The following USP19 variants were observed in gnomAD, a reference collection of about 807,000 sequenced individuals.
The protein encoded by USP19 is ubiquitin specific peptidase 19, also known as ubiquitin carboxyl-terminal hydrolase 19.
USP19 carries 40 observed loss-of-function variants against 144.8 expected under a neutral mutation model. The observed-to-expected ratio is 0.28, with a 90% CI of 0.21 to 0.36. USP19 has a LOEUF of 0.36. Among genes scored for constraint, USP19 ranks in the 10% least tolerant of loss-of-function variants. The pLI, the probability that USP19 is intolerant of heterozygous loss-of-function variation, is 1.00. For missense variants in USP19, 1,518 were observed against 1,822.5 expected (o/e 0.83, Z 3.04); for synonymous variants, 701 against 709.3 (o/e 0.99, Z 0.19).
rs933658650 is a variant in USP19 at position 49,118,890 on chromosome 3, G to A, written c.124+132C>T. ...GCTGAGGCTCTACTGAGGTTATCAT[G>A]GGTCCTTCTTCTCTCATCATCAAAC... On this transcript the variant is annotated intron_variant, in intron 2 of 26. Transcript: ENST00000417901. The A allele has an allele frequency of 2.9e-6, 4 of 1,385,074 alleles. No individual in the cohort carries two copies. The African/African-American group carries it at 5.8e-5, about 20-fold the overall frequency. 85.8% of individuals were successfully genotyped at this position (1,385,074 alleles called of 1,614,324 possible). A position where few individuals can be genotyped will look rare whatever the true frequency, so the allele number is the denominator to read the frequency against.
chr3:49,110,490 G>A lies in USP19; in HGVS notation c.3813C>T (p.Ala1271=), dbSNP rs2042984188. The A allele has an allele frequency of 6.2e-7, 1 of 1,614,186 alleles. No individual in the cohort carries two copies. The highest frequency in any genetic ancestry group is 2.2e-5 in the East Asian group (1 of 44,888). ...TACGATCATTGGGCAGGCGTGCACA[G>A]GCAGTGTAGTGGCCACCAATCATGC... The part of the protein sequence containing the change: ...YGGMIGGHYT[A]CARLPNDRSS... Residue 1271 remains alanine (A), a synonymous_variant, in exon 25 of 27, where the codon GCC becomes GCT. Coordinates refer to ENST00000417901, the MANE Select transcript of USP19 (RefSeq NM_001199161.2). The surrounding 1 kb of genome is among the most constrained non-coding windows in gnomAD (Gnocchi z 6.1).
At position 49,117,405 on chromosome 3, in the gene USP19, T is replaced by C. The variant is rs1179573895; in HGVS notation, c.606+32A>G. ...TCAGGCCCTGTCGACTACACTGGTATCCCTACCCAACCCTGTACTACTAGA... is the reference window on the plus strand; with the variant it reads ...TCAGGCCCTGTCGACTACACTGGTACCCCTACCCAACCCTGTACTACTAGA... On this transcript the variant is annotated intron_variant, in intron 5 of 26. Coordinates refer to ENST00000417901, the MANE Select transcript of USP19 (RefSeq NM_001199161.2). The surrounding 1 kb of genome is among the most constrained non-coding windows in gnomAD (Gnocchi z 4.4). 1 of 1,611,606 alleles carries C rather than the reference T, an allele frequency of 6.2e-7. No homozygotes were observed. Among genetic ancestry groups the C allele is most frequent in the East Asian group, 2.2e-5 (1 of 44,808 alleles).
intron 26 of USP19, chr3:49,109,014 C>T (rs2042727111): frequency 6.2e-7 from 1 of 1,613,526 alleles, no homozygotes; most frequent in African/African-American, 1.3e-5. Context: ...ACGAGGGCCA[C>T]CAAAGCCGCC....
In USP19 at chr3:49,112,310, C is replaced by G. The variant is rs945253135; in HGVS notation, c.2739G>C (p.Arg913=). 1 of 1,612,914 alleles carries G rather than the reference C, an allele frequency of 6.2e-7. No homozygotes were observed. The change falls in exon 19 of 27, where the codon CGG becomes CGC. Residue 913 remains arginine (R), a synonymous_variant. Transcript: ENST00000417901. The surrounding 1 kb of genome is among the most constrained non-coding windows in gnomAD (Gnocchi z 4.9). ...SEDEKLKRCT[R]CYRVGYCNQL... is the part of the protein sequence containing the mutation. ...GGTTGCAGTAGCCCACACGGTAGCA[C>G]CGGGTACAGCGCTTCAGCTTTTCAT...
rs1204944209 is a variant in USP19, at chr3:49,117,010, C to T, written c.909+49G>A. 5.2e-6 allele frequency: 8 copies of T among 1,551,772 alleles called. No homozygotes were observed. In the African/African-American group the frequency reaches 5.4e-5, roughly 11 times the overall value. Reference sequence around the variant, plus strand: ...GCCAGGTGGCTCCCACTCCAGTGCACACCCTTTCCCCCCATCTCCTAACAC... The same window carrying T: ...GCCAGGTGGCTCCCACTCCAGTGCATACCCTTTCCCCCCATCTCCTAACAC... On this transcript the variant is annotated intron_variant, in intron 6 of 26. Transcript: ENST00000417901. The surrounding 1 kb of genome is among the most constrained non-coding windows in gnomAD (Gnocchi z 4.4).
At position 49,112,689 on chromosome 3, in the gene USP19, C is replaced by T; in HGVS notation, c.2506-60G>A. 1.3e-6 allele frequency: 2 copies of T among 1,565,478 alleles called. No individual in the cohort carries two copies. Among genetic ancestry groups the T allele is most frequent in the South Asian group, 2.4e-5 (2 of 83,294 alleles). The stretch of plus-strand genomic sequence containing the variant: ...ATAAGCCCTTTCCCTAGCCCTGCCC[C>T]AGAGTTTAAGAAGGCTTGGCCCTGC... On this transcript the variant is annotated intron_variant, in intron 17 of 26. Transcript: ENST00000417901. The surrounding 1 kb of genome is among the most constrained non-coding windows in gnomAD (Gnocchi z 4.9).
intron 26 of USP19, among the ~76,000 whole-genome samples, chr3:49,109,441 G>T (rs2042809587): frequency 6.6e-6 from 1 of 152,176 alleles, no homozygotes; most frequent in African/African-American, 2.4e-5. Context: ...ATGGAGGTGG[G>T]AGGGGAGTTA....
In USP19 at chr3:49,116,022, C is replaced by A; in HGVS notation, c.1471+25G>T. On this transcript the variant is annotated intron_variant, in intron 10 of 26. Transcript: ENST00000417901. This position sits in a 1 kb window ranked among gnomAD's most constrained non-coding sequence, Gnocchi z 5.0. ...TGGGTCCTGGTCACGTGGAACTGGG[C>A]AATGAAGGGAGCTCGTGTGCAGACC... 6.3e-7 allele frequency: 1 copy of A among 1,583,834 alleles called. No homozygotes were observed. Among genetic ancestry groups the A allele is most frequent in the South Asian group, 1.1e-5 (1 of 87,632 alleles).
chr3:49,110,231 C>G lies in USP19; in HGVS notation c.3991G>C (p.Glu1331Gln). The G allele has an allele frequency of 6.3e-7, 1 of 1,576,162 alleles. No homozygotes were observed. Among genetic ancestry groups the G allele is most frequent in the Non-Finnish European group, 8.6e-7 (1 of 1,160,118 alleles). ...GCAGGGCCTAGGTCTGGGTGGTGCTCAGAGTGACCTGCCCTGGGGGGCCTC... is the reference window on the plus strand; with the variant it reads ...GCAGGGCCTAGGTCTGGGTGGTGCTGAGAGTGACCTGCCCTGGGGGGCCTC... ...VERPPRAGHS[E>Q]HHPDLGPAAE... The change falls in exon 26 of 27, where the codon GAG becomes CAG. Residue 1331 changes from glutamate (E) to glutamine (Q), a missense_variant. Around this residue, in one of 5 missense-constraint regions of USP19, gnomAD observed 118 missense variants for 100.2 expected, o/e 1.18. Coordinates refer to ENST00000417901, the MANE Select transcript of USP19 (RefSeq NM_001199161.2). This position sits in a 1 kb window ranked among gnomAD's most constrained non-coding sequence, Gnocchi z 6.1.
chr3:49,114,943 T>G lies in USP19; in HGVS notation c.2181+16A>C. 6.2e-7 allele frequency: 1 copy of G among 1,614,184 alleles called. No homozygotes were observed. The highest frequency in any genetic ancestry group is 1.1e-5 in the South Asian group (1 of 91,090). On this transcript the variant is annotated intron_variant, in intron 14 of 26. Transcript: ENST00000417901. This position sits in a 1 kb window ranked among gnomAD's most constrained non-coding sequence, Gnocchi z 4.5. ...ATGCTCATGAGACATGCCCACCCTC[T>G]GTCCCTAACCCTGACCTCATCGGGC...
chr3:49,120,746 C>T lies in USP19; in HGVS notation c.-137+10G>A, dbSNP rs1213118148. ...GGCCAAGCCAGCGAGTTGCAGCCTG[C>T]TCCACTCACCGAGCGAGACCGCCGC... On this transcript the variant is annotated intron_variant, in intron 1 of 26. Transcript: ENST00000417901. 5 of 216,868 alleles carry T rather than the reference C, an allele frequency of 2.3e-5. No homozygotes were observed. The highest frequency in any genetic ancestry group is 3.7e-5 in the Non-Finnish European group (4 of 107,224). The allele number at this position is 216,868 out of a possible 1,614,324, so 13.4% of individuals were successfully genotyped here. A position where few individuals can be genotyped will look rare whatever the true frequency, so the allele number is the denominator to read the frequency against.
At position 49,118,092 on chromosome 3, in the gene USP19, A is replaced by G; in HGVS notation, c.153T>C (p.Ala51=). The G allele has an allele frequency of 2.0e-6, 3 of 1,473,138 alleles. No individual in the cohort carries two copies. In the South Asian group the frequency reaches 3.6e-5, roughly 18 times the overall value. The allele number at this position is 1,473,138 out of a possible 1,614,324, so 91.3% of individuals were successfully genotyped here. A position where few individuals can be genotyped will look rare whatever the true frequency, so the allele number is the denominator to read the frequency against. The part of the protein sequence containing the change: ...KETGSRYVAQ[A]GLEPLASGDP... ...CACCTGAGGCCAGAGGTTCAAGACC[A>G]GCCTGGGCAACATATCGAGACCCTG... is the stretch of plus-strand genomic sequence containing the variant. The change falls in exon 3 of 27, where the codon GCT becomes GCC. Residue 51 remains alanine (A), a synonymous_variant. Coordinates refer to ENST00000417901, the MANE Select transcript of USP19 (RefSeq NM_001199161.2).
intron 2 of USP19, 129 bp from the exon 3 acceptor site, chr3:49,118,249 G>T: frequency 2.7e-5 from 10 of 366,036 alleles, no homozygotes; most frequent in East Asian, 5.0e-5. Context: ...ATCTGTGCAA[G>T]AGTGAGACCC....
chr3:49,120,265 G>A (rs1457208461), intron 1 of USP19, among the ~76,000 whole-genome samples: 1 of 152,220 alleles, frequency 6.6e-6, no homozygotes, highest in African/African-American at 2.4e-5. Flanking sequence ...GGAGGAAGGA[G>A]GGATGGCAGG....
rs773626969 is a variant in USP19, at chr3:49,115,079, A to G, written c.2061T>C (p.Tyr687=). The part of the protein sequence containing the change: ...VASKASQFTG[Y]AQHDAQEFMA... Reference sequence around the variant, plus strand: ...TGAACTCCTGGGCATCATGCTGTGCATAGCCTGTGAACTGGCTGGCCTTAC... The same window carrying G: ...TGAACTCCTGGGCATCATGCTGTGCGTAGCCTGTGAACTGGCTGGCCTTAC... Residue 687 remains tyrosine (Y), a synonymous_variant, in exon 14 of 27, where the codon TAT becomes TAC. Transcript: ENST00000417901. The surrounding 1 kb of genome is among the most constrained non-coding windows in gnomAD (Gnocchi z 6.6). 8.1e-6 allele frequency: 13 copies of G among 1,614,196 alleles called. No homozygotes were observed. The Admixed American group carries it at 2.2e-4, about 27-fold the overall frequency.
chr3:49,113,737 A>G (rs974669425), intron 17 of USP19, among the ~76,000 whole-genome samples: 3 of 152,304 alleles, frequency 2.0e-5, no homozygotes, highest in Non-Finnish European at 2.9e-5. Flanking sequence ...AGCTGGGACT[A>G]TAACACGTAC....
At chr3:49,113,322 G>C (rs1358390433) in intron 17 of USP19, among the ~76,000 whole-genome samples, 3 of 152,062 alleles carry the variant, frequency 2.0e-5, no homozygotes, top group Non-Finnish European at 4.4e-5. Flanking sequence ...TGTCACCCAG[G>C]CTGGAGTGCA....
intron 1 of USP19, among the ~76,000 whole-genome samples, chr3:49,120,121 T>C (rs1406041331): frequency 6.6e-6 from 1 of 152,058 alleles, no homozygotes; most frequent in Non-Finnish European, 1.5e-5. Flanking sequence ...TCCTCCAAAA[T>C]GAAGGTCTTG....
intron 26 of USP19, among the ~76,000 whole-genome samples, chr3:49,109,671 A>G (rs974696288): frequency 1.7e-4 from 26 of 152,204 alleles, no homozygotes; most frequent in African/African-American, 6.3e-4. Flanking sequence ...ACGCCCACTA[A>G]CTGGGCCTAT....
Sources: gnomAD v4.1 joint callset for allele counts (sites outside exome capture counted in the v4.1 genomes callset) on GRCh38, gnomAD v4.1.1 for gene constraint, gnomAD v4.1.1 regional missense constraint, Gnocchi (gnomAD v3.1) non-coding constraint, MANE v1.5 for transcripts, NCBI Gene and HGNC (gene_info 2026-07-23, HGNC 2026-07-21) for gene names.